Variants in ZNF721 observed in about 807,000 individuals in gnomAD.
The protein encoded by ZNF721 is zinc finger protein 721.
Under a neutral mutation model 2.4 loss-of-function variants are expected in ZNF721, and 2 were observed. The observed-to-expected ratio is 0.82, with a 90% CI of 0.34 to 2.58. ZNF721 has a LOEUF of 2.58. Ranked by LOEUF, ZNF721 falls within the 30% of genes most tolerant of loss-of-function variation. The probability of loss-of-function intolerance (pLI) is 0.11; values close to 1 mark genes in which losing one functional copy is unlikely to be tolerated. For missense variants in ZNF721, 1,187 were observed against 1,085.5 expected (o/e 1.09, Z -1.31); for synonymous variants, 398 against 381.8 (o/e 1.04, Z -0.50).
At chr4:466,918 A>G (rs1715269894) in intron 2 of ZNF721, among the ~76,000 whole-genome samples, 1 of 152,226 alleles carries the variant, frequency 6.6e-6, no homozygotes, top group Non-Finnish European at 1.5e-5. Flanking sequence ...CAGATGAATA[A>G]TTTAAAAGGA....
chr4:483,471 G>C (rs1469338253), intron 1 of ZNF721, among the ~76,000 whole-genome samples: 1 of 151,844 alleles, frequency 6.6e-6, no homozygotes, highest in Admixed American at 6.6e-5. Context: ...AGAATCCCTT[G>C]AACCCAGGAG....
chr4:444,392 C>A lies in ZNF721; in HGVS notation c.75G>T (p.Gln25His), dbSNP rs781995746. 6.3e-7 allele frequency: 1 copy of A among 1,599,136 alleles called. No homozygotes were observed. The highest frequency in any genetic ancestry group is 2.2e-5 in the East Asian group (1 of 44,704). Residue 25 changes from glutamine to histidine, a missense_variant, in exon 3 of 3, where the codon CAG becomes CAT. By Grantham distance (24) the Gln-to-His change is conservative. Transcript: ENST00000511833. ...GTTTGTGGAATGAATCTTCTATCCC[C>A]TGCACTGGCAAAAAGTCTTGGGTGA... ...SHFTQDFLPV[Q>H]GIEDSFHKLI...
In ZNF721 at chr4:441,981, C is replaced by A. The variant is rs782412241; in HGVS notation, c.2486G>T (p.Arg829Ile). 8 of 1,613,208 alleles carry A rather than the reference C, an allele frequency of 5.0e-6. No individual in the cohort carries two copies. The highest frequency in any genetic ancestry group is 4.5e-5 in the East Asian group (2 of 44,774). The change falls in exon 3 of 3, where the codon AGA becomes ATA. Residue 829 changes from arginine (R) to isoleucine (I), a missense_variant. Coordinates refer to ENST00000511833, the MANE Select transcript of ZNF721 (RefSeq NM_133474.4). ...GTAGGGTTTCTCTCCAGTATGAATT[C>A]TCCTATGTTTAGTAAGGGTTGTGGA... ...TSSTTLTKHRRIHTGEKPYTC... is the reference protein window; with the variant it reads ...TSSTTLTKHRIIHTGEKPYTC...
At chr4:482,641 C>T (rs1173947554) in intron 1 of ZNF721, among the ~76,000 whole-genome samples, 2 of 151,884 alleles carry the variant, frequency 1.3e-5, no homozygotes, top group East Asian at 1.9e-4. Flanking sequence ...GGACTACAAG[C>T]GCCCGCCACC....
Position 451,961 on chromosome 4 carries a change from G to C in ZNF721, c.35-7529C>G, listed in dbSNP as rs558454878. ...CATTGGCTGTCTGTGAGGTGCTGCA[G>C]GGAATCCCAGTTGGTAAAGGGAATG... On this transcript the variant is annotated intron_variant, in intron 2 of 2. Coordinates refer to ENST00000511833, the MANE Select transcript of ZNF721 (RefSeq NM_133474.4). Among the ~76,000 whole-genome samples the C allele has an allele frequency of 3.3e-5, 5 of 152,314 alleles. No homozygotes were observed. In the East Asian group the frequency reaches 9.7e-4, roughly 29 times the overall value.
At chr4:474,079 C>G in intron 1 of ZNF721, 1 of 1,391,888 alleles carries the variant, frequency 7.2e-7, no homozygotes, top group Non-Finnish European at 9.7e-7. Flanking sequence ...GCAAAATCAC[C>G]GAGGCCTCCC....
intron 2 of ZNF721, among the ~76,000 whole-genome samples, chr4:469,012 A>G (rs540778474): frequency 2.0e-5 from 3 of 152,204 alleles, no homozygotes; most frequent in African/African-American, 7.2e-5. Context: ...TATATATGAA[A>G]CCCTAGAGTA....
intron 1 of ZNF721, among the ~76,000 whole-genome samples, chr4:496,628 A>C (rs1294379139): frequency 2.6e-5 from 4 of 152,028 alleles, no homozygotes; most frequent in Non-Finnish European, 4.4e-5. Context: ...AAAACACACA[A>C]AAAAAACCCC....
chr4:493,616 T>A (rs1576975177), intron 1 of ZNF721, among the ~76,000 whole-genome samples: 1 of 151,136 alleles, frequency 6.6e-6, no homozygotes, highest in Non-Finnish European at 1.5e-5. Flanking sequence ...GAGGTGGAGG[T>A]TGCAGTGAGC....
intron 1 of ZNF721, among the ~76,000 whole-genome samples, chr4:495,881 C>T (rs1192736238): frequency 6.6e-6 from 1 of 152,148 alleles, no homozygotes; most frequent in East Asian, 1.9e-4. Flanking sequence ...GGATTACAGG[C>T]GTGAGCCACT....
At chr4:462,825 T>C (rs1250636811) in intron 2 of ZNF721, among the ~76,000 whole-genome samples, 3 of 152,114 alleles carry the variant, frequency 2.0e-5, no homozygotes, top group Non-Finnish European at 4.4e-5. Context: ...GGCAATACCA[T>C]TCAGGACACG....
At chr4:474,247 T>G in intron 1 of ZNF721, 1 of 362,160 alleles carries the variant, frequency 2.8e-6, no homozygotes, top group South Asian at 2.1e-5. Context: ...GGGTCCAGGC[T>G]TCACGCCCTC....
chr4:498,613 CA>C (rs1716438072), intron 1 of ZNF721, among the ~76,000 whole-genome samples: 1 of 151,806 alleles, frequency 6.6e-6, no homozygotes, highest in Admixed American at 6.6e-5. Flanking sequence ...ATCATGTAAG[CA>C]AAATAAGACA....
In ZNF721 at chr4:464,204, C is replaced by T. The variant is rs550358371; in HGVS notation, c.34+8371G>A. 1.2e-4 allele frequency among the ~76,000 whole-genome samples: 18 copies of T among 152,286 alleles called. No individual in the cohort carries two copies. The South Asian group carries it at 2.3e-3, about 19-fold the overall frequency. On this transcript the variant is annotated intron_variant, in intron 2 of 2. Transcript: ENST00000511833. ...AGTCATTTGAGGCTGGGTGCGGTTG[C>T]GCACACCTGTAATCCCAGCACTTTG...
chr4:442,266 A>T lies in ZNF721; in HGVS notation c.2201T>A (p.Phe734Tyr). The T allele has an allele frequency of 1.9e-6, 3 of 1,613,344 alleles. No homozygotes were observed. Among genetic ancestry groups the T allele is most frequent in the Non-Finnish European group, 2.5e-6 (3 of 1,179,458 alleles). The change falls in exon 3 of 3, where the codon TTT becomes TAT. Residue 734 changes from phenylalanine to tyrosine, a missense_variant. Coordinates refer to ENST00000511833, the MANE Select transcript of ZNF721 (RefSeq NM_133474.4). ...PYKCEDRGRS[F>Y]GWSTNLNEYK... ...TTCGTTCAGGTTTGTGGACCATCCA[A>T]AGGATCTGCCACGATCTTCACATTT...
chr4:466,527 G>C (rs942792668), intron 2 of ZNF721, among the ~76,000 whole-genome samples: 13 of 152,162 alleles, frequency 8.5e-5, no homozygotes, highest in African/African-American at 2.4e-5. Context: ...CTTGTTGATA[G>C]TGTAGTTTTC....
chr4:459,711 G>T (rs1390962945), intron 2 of ZNF721, among the ~76,000 whole-genome samples: 1 of 152,012 alleles, frequency 6.6e-6, no homozygotes, highest in East Asian at 1.9e-4. Context: ...GGCGCCTGTA[G>T]TCCCAGCTAC....
chr4:497,356 C>T (rs1157818925), intron 1 of ZNF721, among the ~76,000 whole-genome samples: 1 of 152,036 alleles, frequency 6.6e-6, no homozygotes, highest in Non-Finnish European at 1.5e-5. Flanking sequence ...CAAGCCAATA[C>T]CGAGGATCAA....
chr4:450,937 CAAA>C (rs781962651), intron 2 of ZNF721, among the ~76,000 whole-genome samples: 7 of 26,516 alleles, frequency 2.6e-4, no homozygotes, highest in African/African-American at 1.3e-3. Flanking sequence ...ACTCTGTCTC[CAAA>C]AAAAAAAAAA....
Sources: allele counts gnomAD v4.1 joint callset (sites outside exome capture counted in the v4.1 genomes callset), GRCh38; gene constraint gnomAD v4.1.1; transcripts MANE v1.5; gene names NCBI Gene and HGNC (gene_info 2026-07-23, HGNC 2026-07-21).